GABPB2: variants seen among roughly 807,000 people sequenced by gnomAD.
GABPB2 encodes the protein GA binding protein transcription factor subunit beta 2.
GABPB2 carries 23 observed loss-of-function variants against 39.1 expected under a neutral mutation model. The observed-to-expected ratio is 0.59, with a 90% CI of 0.42 to 0.83. The LOEUF is 0.83. Ranked by LOEUF, GABPB2 falls within the 40% of genes least tolerant of loss-of-function variation. The probability of loss-of-function intolerance (pLI) is 0.00; values close to 1 mark genes in which losing one functional copy is unlikely to be tolerated. For synonymous variants in GABPB2, 184 were observed against 199.3 expected, an observed-to-expected ratio of 0.92 and a Z score of 0.65; for missense variants, 467 against 541.1, an observed-to-expected ratio of 0.86 and a Z score of 1.36.
Position 151,125,240 on chromosome 1 carries a change from G to C in GABPB2, c.*6984G>C, listed in dbSNP as rs4971001. 1 allele frequency: 152,389 copies of C among 152,390 alleles called. 76,194 individuals are homozygous for C. Among genetic ancestry groups the C allele is most frequent in the Non-Finnish European group, 1 (68,094 of 68,094 alleles). 9.4% of individuals were successfully genotyped at this position (152,390 alleles called of 1,614,324 possible). On this transcript the variant is annotated 3_prime_UTR_variant, in exon 9 of 9. Coordinates refer to ENST00000368918, the MANE Select transcript of GABPB2 (RefSeq NM_144618.3). ...TCTCCCTGACCTTGCCCCATGTGCT[G>C]TCCTTCTGTCAAGGCCATTTGTGTG...
At chr1:151,074,850 G>A (rs1677033802) in intron 1 of GABPB2, among the ~76,000 whole-genome samples, 1 of 152,046 alleles carries the variant, frequency 6.6e-6, no homozygotes, top group African/African-American at 2.4e-5. Flanking sequence ...ATCTCATCCT[G>A]TAACTAAGAA....
intron 5 of GABPB2, 61 bp from the exon 6 acceptor site, chr1:151,103,501 T>G: frequency 8.9e-7 from 1 of 1,126,050 alleles, no homozygotes; most frequent in Non-Finnish European, 1.3e-6. Context: ...AATAAGCTGT[T>G]TTTAATTTGC....
At chr1:151,113,535 G>A (rs990634596) in intron 7 of GABPB2, among the ~76,000 whole-genome samples, 5 of 148,160 alleles carry the variant, frequency 3.4e-5, no homozygotes, top group Non-Finnish European at 7.4e-5. Context: ...CAAATCTTCT[G>A]TTTTAAAATA....
chr1:151,077,500 G>C (rs587663602), intron 1 of GABPB2, among the ~76,000 whole-genome samples: 17 of 151,948 alleles, frequency 1.1e-4, no homozygotes, highest in African/African-American at 4.1e-4. Context: ...GGGACTACAG[G>C]CATGCAACAC....
chr1:151,105,694 G>A (rs1679906719), intron 6 of GABPB2, among the ~76,000 whole-genome samples: 1 of 151,872 alleles, frequency 6.6e-6, no homozygotes, highest in African/African-American at 2.4e-5. Context: ...TTCAAATTTG[G>A]GGGGATGGTC....
intron 5 of GABPB2, among the ~76,000 whole-genome samples, chr1:151,100,777 G>A (rs587696648): frequency 2.7e-5 from 4 of 150,518 alleles, no homozygotes; most frequent in African/African-American, 7.3e-5. Context: ...TAGAAGAGAC[G>A]GGGTTTCACC....
chr1:151,098,168 G>A (rs1225770860), intron 5 of GABPB2, among the ~76,000 whole-genome samples, 166 bp downstream of exon 5: 1 of 152,166 alleles, frequency 6.6e-6, no homozygotes, highest in Non-Finnish European at 1.5e-5. Context: ...TCTTTCTGGG[G>A]AAGGGAAGAT....
chr1:151,074,610 C>T (rs1266084041), intron 1 of GABPB2, among the ~76,000 whole-genome samples: 1 of 151,994 alleles, frequency 6.6e-6, no homozygotes, highest in African/African-American at 2.4e-5. Flanking sequence ...TGAGCCACCG[C>T]ACCCAGCAGC....
chr1:151,093,102 T>C, intron 3 of GABPB2, 90 bp from the exon 4 acceptor site: 3 of 999,718 alleles, frequency 3.0e-6, no homozygotes, highest in Non-Finnish European at 4.3e-6. Context: ...GTACGTAATC[T>C]CTATGGAAAT....
At chr1:151,101,528 C>T (rs587692287) in intron 5 of GABPB2, among the ~76,000 whole-genome samples, 26 of 151,324 alleles carry the variant, frequency 1.7e-4, no homozygotes, top group East Asian at 7.8e-4. Flanking sequence ...GAGCTGAGAT[C>T]GCGCCACTGC....
intron 5 of GABPB2, among the ~76,000 whole-genome samples, chr1:151,101,699 G>A (rs7523731): frequency 0.11 from 16,487 of 152,200 alleles, 1,044 homozygotes; most frequent in Non-Finnish European, 0.14. Context: ...TGTTTATAGG[G>A]TCCAGCCCCA....
At chr1:151,078,096 T>A (rs12039542) in intron 1 of GABPB2, among the ~76,000 whole-genome samples, 21 of 151,094 alleles carry the variant, frequency 1.4e-4, no homozygotes, top group African/African-American at 5.1e-4. Context: ...CATGGTGAAA[T>A]CCTGTCTCTA....
intron 2 of GABPB2, among the ~76,000 whole-genome samples, chr1:151,090,066 AG>A (rs1197990849): frequency 6.6e-6 from 1 of 151,788 alleles, no homozygotes; most frequent in Non-Finnish European, 1.5e-5. Context: ...CAGCCTCCTG[AG>A]TAGCTGGGAT....
At chr1:151,097,417 C>G (rs1465459597) in intron 4 of GABPB2, among the ~76,000 whole-genome samples, 1 of 151,984 alleles carries the variant, frequency 6.6e-6, no homozygotes, top group African/African-American at 2.4e-5. Context: ...TGTACCGGAA[C>G]TAGTTATAAT....
At chr1:151,073,843 C>G (rs1189258217) in intron 1 of GABPB2, among the ~76,000 whole-genome samples, 3 of 151,786 alleles carry the variant, frequency 2.0e-5, no homozygotes. Flanking sequence ...TCACTTGTAC[C>G]CAGGAGGCAG....
chr1:151,073,839 G>C (rs1372624973), intron 1 of GABPB2, among the ~76,000 whole-genome samples: 1 of 151,822 alleles, frequency 6.6e-6, no homozygotes, highest in Admixed American at 6.6e-5. Flanking sequence ...AGAATCACTT[G>C]TACCCAGGAG....
intron 7 of GABPB2, among the ~76,000 whole-genome samples, chr1:151,108,068 T>C (rs964685664): frequency 1.3e-5 from 2 of 152,220 alleles, no homozygotes; most frequent in Non-Finnish European, 2.9e-5. Flanking sequence ...AGCACTCTTA[T>C]AAATCACTTG....
chr1:151,108,009 G>A (rs1680106639), intron 7 of GABPB2, among the ~76,000 whole-genome samples: 1 of 152,062 alleles, frequency 6.6e-6, no homozygotes, highest in Non-Finnish European at 1.5e-5. Context: ...TGCAAATACT[G>A]TACTGACATA....
intron 3 of GABPB2, among the ~76,000 whole-genome samples, chr1:151,091,599 C>T (rs1271152651): frequency 6.6e-6 from 1 of 151,254 alleles, no homozygotes; most frequent in East Asian, 1.9e-4. Context: ...CTCAGCCTCC[C>T]AAGTAGCTGT....
Sources: gnomAD v4.1 joint callset for allele counts (sites outside exome capture counted in the v4.1 genomes callset) on GRCh38, gnomAD v4.1.1 for gene constraint, MANE v1.5 for transcripts, NCBI Gene and HGNC (gene_info 2026-07-23, HGNC 2026-07-21) for gene names.